Variants in CADM2 observed in about 807,000 individuals in gnomAD.
The protein encoded by CADM2 is cell adhesion molecule 2.
Under a neutral mutation model 49.8 loss-of-function variants are expected in CADM2, and 12 were observed. The observed-to-expected ratio is 0.24, with a 90% confidence interval of 0.15 to 0.39. The LOEUF (loss-of-function observed/expected upper bound fraction) is 0.39. Ranked by LOEUF, CADM2 falls within the 10% of genes least tolerant of loss-of-function variation. The pLI is 1.00. For synonymous variants in CADM2, 214 were observed against 175.4 expected (o/e 1.22, Z -1.74); for missense variants, 378 against 492.3 (o/e 0.77, Z 2.20).
At chr3:85,837,618 T>C (rs139189194) in intron 3 of CADM2, among the ~76,000 whole-genome samples, 32 of 151,824 alleles carry the variant, frequency 2.1e-4, no homozygotes, top group African/African-American at 7.5e-4. Context: ...GCAATCATTT[T>C]TGACGTTCAA....
intron 1 of CADM2, among the ~76,000 whole-genome samples, chr3:85,018,793 C>T (rs138022536): frequency 1.3e-5 from 2 of 152,162 alleles, no homozygotes; most frequent in East Asian, 1.9e-4. Flanking sequence ...TAAATTCTGT[C>T]ATTTAATTAG....
chr3:85,292,122 A>T (rs975635416), intron 1 of CADM2, among the ~76,000 whole-genome samples: 1 of 148,524 alleles, frequency 6.7e-6, no homozygotes, highest in Admixed American at 6.7e-5. Context: ...AAACAAAAAA[A>T]GGCAGGGGTT....
chr3:85,295,787 G>T (rs999645033), intron 1 of CADM2, among the ~76,000 whole-genome samples: 6 of 152,036 alleles, frequency 3.9e-5, no homozygotes, highest in African/African-American at 1.4e-4. Context: ...TGGGGTTGGG[G>T]GAGAGGGGAG....
chr3:85,301,581 C>T (rs1020095108), intron 1 of CADM2, among the ~76,000 whole-genome samples: 2 of 151,978 alleles, frequency 1.3e-5, no homozygotes, highest in Admixed American at 1.3e-4. Flanking sequence ...AATTCTTCAG[C>T]TTATTTAGAA....
At chr3:86,061,242 G>C (rs1738609929) in intron 8 of CADM2, among the ~76,000 whole-genome samples, 1 of 151,892 alleles carries the variant, frequency 6.6e-6, no homozygotes, top group Non-Finnish European at 1.5e-5. Context: ...TAAATAATCT[G>C]TTATATTTTG....
At chr3:85,794,902 T>C (rs1184944729) in intron 2 of CADM2, among the ~76,000 whole-genome samples, 1 of 152,130 alleles carries the variant, frequency 6.6e-6, no homozygotes, top group Non-Finnish European at 1.5e-5. Flanking sequence ...GTTCTCTATA[T>C]AGTAGGTCAT....
intron 7 of CADM2, among the ~76,000 whole-genome samples, chr3:85,959,368 G>C (rs1724534240): frequency 6.6e-6 from 1 of 151,780 alleles, no homozygotes; most frequent in Non-Finnish European, 1.5e-5. Flanking sequence ...GGCATAATTG[G>C]TTATATCAGT....
At chr3:85,504,352 C>T (rs1483962868) in intron 1 of CADM2, among the ~76,000 whole-genome samples, 2 of 152,084 alleles carry the variant, frequency 1.3e-5, no homozygotes, top group East Asian at 3.9e-4. Flanking sequence ...GCAGTGTGGA[C>T]CCAAAGAGTG....
chr3:85,943,981 T>TTG (rs1722310165), intron 7 of CADM2, among the ~76,000 whole-genome samples: 1 of 151,890 alleles, frequency 6.6e-6, no homozygotes, highest in Non-Finnish European at 1.5e-5. Context: ...CACTGGCAAA[T>TTG]TGGATAAACA....
chr3:85,797,799 G>T (rs1272447369), intron 2 of CADM2, among the ~76,000 whole-genome samples: 1 of 152,104 alleles, frequency 6.6e-6, no homozygotes, highest in East Asian at 1.9e-4. Context: ...TGGGTCAAAT[G>T]GTATTTCTAG....
At chr3:85,187,460 G>C (rs193261803) in intron 1 of CADM2, among the ~76,000 whole-genome samples, 1 of 151,408 alleles carries the variant, frequency 6.6e-6, no homozygotes, top group Non-Finnish European at 1.5e-5. Flanking sequence ...TTTTTAAATG[G>C]CTATACTAAA....
chr3:85,724,691 GT>G (rs1464534096), intron 1 of CADM2, among the ~76,000 whole-genome samples: 1 of 151,650 alleles, frequency 6.6e-6, no homozygotes, highest in Non-Finnish European at 1.5e-5. Context: ...TTTTTTTTAG[GT>G]TTTTATAAGA....
At chr3:85,004,378 G>A (rs1185047891) in intron 1 of CADM2, among the ~76,000 whole-genome samples, 1 of 152,206 alleles carries the variant, frequency 6.6e-6, no homozygotes, top group South Asian at 2.1e-4. Context: ...TATTCACAAA[G>A]TACTTTTTTT....
chr3:85,278,754 G>A (rs1232016079), intron 1 of CADM2, among the ~76,000 whole-genome samples: 2 of 144,464 alleles, frequency 1.4e-5, no homozygotes, highest in Non-Finnish European at 3.0e-5. Flanking sequence ...GTGTGTGTGT[G>A]TGTGTGTTGG....
intron 1 of CADM2, among the ~76,000 whole-genome samples, chr3:85,504,209 G>T (rs372911982): frequency 1.3e-4 from 20 of 152,030 alleles, no homozygotes; most frequent in African/African-American, 4.6e-4. Context: ...GAGTGAAGCT[G>T]CAGACCTTCG....
At chr3:85,096,396 A>G (rs1403337188) in intron 1 of CADM2, among the ~76,000 whole-genome samples, 1 of 151,520 alleles carries the variant, frequency 6.6e-6, no homozygotes, top group Non-Finnish European at 1.5e-5. Context: ...CTTAAAATGT[A>G]CCCATTCTAC....
intron 1 of CADM2, among the ~76,000 whole-genome samples, chr3:85,352,975 C>A (rs1576401690): frequency 6.6e-6 from 1 of 152,150 alleles, no homozygotes; most frequent in East Asian, 1.9e-4. Flanking sequence ...GTTTTCAAGT[C>A]AGCTTACAAT....
At chr3:85,061,755 G>C (rs1414045213) in intron 1 of CADM2, among the ~76,000 whole-genome samples, 1 of 152,042 alleles carries the variant, frequency 6.6e-6, no homozygotes, top group Non-Finnish European at 1.5e-5. Context: ...TATAATGTGA[G>C]TAAAATACAG....
intron 1 of CADM2, among the ~76,000 whole-genome samples, chr3:85,000,654 G>A (rs1204296467): frequency 6.6e-6 from 1 of 151,814 alleles, no homozygotes; most frequent in African/African-American, 2.4e-5. Context: ...CATTCTGCAT[G>A]TCAGTTTGCT....
Sources: allele counts gnomAD v4.1 joint callset (sites outside exome capture counted in the v4.1 genomes callset), GRCh38; gene constraint gnomAD v4.1.1; transcripts MANE v1.5; gene names NCBI Gene and HGNC (gene_info 2026-07-23, HGNC 2026-07-21).